Variants in MS4A10 observed in about 807,000 individuals in gnomAD.
MS4A10 encodes membrane-spanning 4-domains subfamily A member 10.
A neutral mutation model predicts 27.7 loss-of-function variants in MS4A10; 27 were observed. The observed-to-expected ratio is 0.98, with a 90% confidence interval of 0.72 to 1.35. The LOEUF (loss-of-function observed/expected upper bound fraction) is 1.35, where lower values mean the gene tolerates loss of function less well. Among genes scored for constraint, MS4A10 ranks in the 40% most tolerant of loss-of-function variants. The probability of loss-of-function intolerance (pLI) is 0.00; values close to 1 mark genes in which losing one functional copy is unlikely to be tolerated. For missense variants in MS4A10, 338 were observed against 324.7 expected (o/e 1.04, Z -0.32); for synonymous variants, 139 against 131.2 (o/e 1.06, Z -0.41).
intron 1 of MS4A10, among the ~76,000 whole-genome samples, chr11:60,787,927 G>A (rs2134747636): frequency 6.6e-6 from 1 of 152,204 alleles, no homozygotes; most frequent in East Asian, 1.9e-4. Context: ...TGAGGCAGGA[G>A]AATCACTTGA....
At chr11:60,792,090 T>A (rs1226946160) in intron 3 of MS4A10, among the ~76,000 whole-genome samples, 175 bp from the exon 4 acceptor site, 2 of 151,994 alleles carry the variant, frequency 1.3e-5, no homozygotes, top group East Asian at 3.9e-4. Context: ...GTGGGGCAGC[T>A]TCTTGGATGG....
chr11:60,793,754 G>A (rs1299010352), intron 4 of MS4A10, among the ~76,000 whole-genome samples: 2 of 152,216 alleles, frequency 1.3e-5, no homozygotes, highest in Non-Finnish European at 2.9e-5. Context: ...AGAAGGCAAG[G>A]GCCAGCTGGA....
intron 1 of MS4A10, among the ~76,000 whole-genome samples, chr11:60,786,177 A>ACACACT (rs1554971099): frequency 3.6e-5 from 5 of 138,144 alleles, no homozygotes; most frequent in South Asian, 4.4e-4. Flanking sequence ...ACACATGCAC[A>ACACACT]CACACACACA....
rs1212947827 is a variant in MS4A10, at chr11:60,798,816, GCAAACCC to G, written c.722+304_722+310del. Among the ~76,000 whole-genome samples, 12 of 152,346 alleles carry G rather than the reference GCAAACCC, an allele frequency of 7.9e-5. No individual in the cohort carries two copies. The South Asian group carries it at 1.7e-3, about 21-fold the overall frequency. Reference sequence around the variant, plus strand: ...ATCGCCTTCCCTGCCAGCCTCCAGAGCAAACCCCTGGGCCTGCAGCCCCCTGGTGCCC... The same window carrying G: ...ATCGCCTTCCCTGCCAGCCTCCAGAGCTGGGCCTGCAGCCCCCTGGTGCCC... On this transcript the variant is annotated intron_variant, in intron 7 of 7. Transcript: ENST00000308287.
At position 60,798,377 on chromosome 11, in the gene MS4A10, G is replaced by A. The variant is rs202059990; in HGVS notation, c.604-19G>A. ...CTCCACAGCTGTGAGCAGCAGGGGCGGCGACTTTTCTTTCGCAGAATGATG... is the reference window on the plus strand; with the variant it reads ...CTCCACAGCTGTGAGCAGCAGGGGCAGCGACTTTTCTTTCGCAGAATGATG... On this transcript the variant is annotated intron_variant, in intron 6 of 7. Transcript: ENST00000308287. 40 of 1,588,216 alleles carry A rather than the reference G, an allele frequency of 2.5e-5. No individual in the cohort carries two copies. Among genetic ancestry groups the A allele is most frequent in the East Asian group, 2.5e-4 (11 of 44,726 alleles).
At chr11:60,791,949 C>A (rs1035679114) in intron 3 of MS4A10, among the ~76,000 whole-genome samples, 2 of 152,086 alleles carry the variant, frequency 1.3e-5, no homozygotes, top group Non-Finnish European at 2.9e-5. Context: ...CTGATCCCAG[C>A]GATGGTTTGG....
At position 60,790,849 on chromosome 11, in the gene MS4A10, G is replaced by T. The variant is rs648490; in HGVS notation, c.184-125G>T. On this transcript the variant is annotated intron_variant, in intron 2 of 7. Transcript: ENST00000308287. ...GGGAGTGGTCCTTCTTAGAGAGCCT[G>T]GTCTCTGGGATCCCTAAGAGGACAG... 2.9e-6 allele frequency: 4 copies of T among 1,365,908 alleles called. No individual in the cohort carries two copies. In the East Asian group the frequency reaches 6.9e-5, roughly 24 times the overall value. 84.6% of individuals were successfully genotyped at this position (1,365,908 alleles called of 1,614,324 possible).
chr11:60,794,255 G>A, intron 5 of MS4A10, 152 bp downstream of exon 5: 1 of 846,864 alleles, frequency 1.2e-6, no homozygotes, highest in Non-Finnish European at 1.8e-6. Context: ...TCCCCTACAA[G>A]GTGTGGTGGA....
Position 60,800,230 on chromosome 11 carries a change from A to C in MS4A10, c.*321A>C. Reference sequence around the variant, plus strand: ...CAGTGGCACTATCTCAGCTCACTGCAATCTCCGCCTCCCTGGTTCAAGTGA... The same window carrying C: ...CAGTGGCACTATCTCAGCTCACTGCCATCTCCGCCTCCCTGGTTCAAGTGA... On this transcript the variant is annotated 3_prime_UTR_variant, in exon 8 of 8. Transcript: ENST00000308287. 3.3e-6 allele frequency: 1 copy of C among 302,256 alleles called. No homozygotes were observed. Among genetic ancestry groups the C allele is most frequent in the Non-Finnish European group, 6.2e-6 (1 of 161,094 alleles). The allele number at this position is 302,256 out of a possible 1,614,324, so 18.7% of individuals were successfully genotyped here.
At chr11:60,787,506 C>T (rs1172253605) in intron 1 of MS4A10, among the ~76,000 whole-genome samples, 1 of 152,052 alleles carries the variant, frequency 6.6e-6, no homozygotes, top group Non-Finnish European at 1.5e-5. Context: ...CTCTCTATCC[C>T]GTGAGAGAAG....
chr11:60,797,256 C>A lies in MS4A10; in HGVS notation c.604-1140C>A, dbSNP rs1854546842. Among the ~76,000 whole-genome samples, 3 of 152,144 alleles carry A rather than the reference C, an allele frequency of 2.0e-5. No individual in the cohort carries two copies. The South Asian group carries it at 6.2e-4, about 32-fold the overall frequency. On this transcript the variant is annotated intron_variant, in intron 6 of 7. Transcript: ENST00000308287. ...AGCAATAATTGTTCCTATTTATTGACCTTTGCTGTGTTCCAGGCACTGTGC... is the reference window on the plus strand; with the variant it reads ...AGCAATAATTGTTCCTATTTATTGAACTTTGCTGTGTTCCAGGCACTGTGC...
In MS4A10 at chr11:60,791,239, G is replaced by T. The variant is rs1033698510; in HGVS notation, c.303+146G>T. 4.6e-6 allele frequency: 5 copies of T among 1,075,442 alleles called. No individual in the cohort carries two copies. The East Asian group carries it at 1.0e-4, about 22-fold the overall frequency. 66.6% of individuals were successfully genotyped at this position (1,075,442 alleles called of 1,614,324 possible). A position where few individuals can be genotyped will look rare whatever the true frequency, so the allele number is the denominator to read the frequency against. ...CGAGGCCCTTTCTCCAGTGTTCCTA[G>T]CTCTGCTTCTTTTATCTTAGTCACA... On this transcript the variant is annotated intron_variant, in intron 3 of 7. Transcript: ENST00000308287.
chr11:60,789,395 C>G (rs918256784), intron 1 of MS4A10, among the ~76,000 whole-genome samples: 1 of 152,230 alleles, frequency 6.6e-6, no homozygotes, highest in Non-Finnish European at 1.5e-5. Flanking sequence ...TCCCAGGCAG[C>G]CCCCAAGCCC....
chr11:60,799,838 G>A lies in MS4A10; in HGVS notation c.733G>A (p.Val245Ile), dbSNP rs1249759829. ...QHKQHQRLRE[V>I]KQVAPDTWIV... ...CTCCATTTCATGCAGGCTCAGAGAA[G>A]TTAAGCAAGTTGCCCCGGACACATG... Residue 245 changes from valine to isoleucine, a missense_variant, in exon 8 of 8, where the codon GTT (valine) becomes ATT (isoleucine). Coordinates refer to ENST00000308287, the MANE Select transcript of MS4A10 (RefSeq NM_206893.4). 2.7e-6 allele frequency: 4 copies of A among 1,491,246 alleles called. No individual in the cohort carries two copies. The Admixed American group carries it at 5.1e-5, about 19-fold the overall frequency. 92.4% of individuals were successfully genotyped at this position (1,491,246 alleles called of 1,614,324 possible).
At chr11:60,791,222 T>C in intron 3 of MS4A10, 129 bp downstream of exon 3, 5 of 1,209,516 alleles carry the variant, frequency 4.1e-6, no homozygotes, top group Non-Finnish European at 5.7e-6. Context: ...AGCGAGGCCC[T>C]TTCTCCAGTG....
At chr11:60,797,700 C>T (rs1370117929) in intron 6 of MS4A10, among the ~76,000 whole-genome samples, 2 of 152,230 alleles carry the variant, frequency 1.3e-5, no homozygotes, top group Non-Finnish European at 2.9e-5. Flanking sequence ...TTCCTCTCTG[C>T]CGTGTGACCA....
At chr11:60,791,120 G>GGA in intron 3 of MS4A10, 27 bp downstream of exon 3, 1 of 1,612,500 alleles carries the variant, frequency 6.2e-7, no homozygotes, top group Non-Finnish European at 8.5e-7. Flanking sequence ...ACACAGACCG[G>GGA]GTGTGGGAGT....
At chr11:60,793,879 G>A in intron 4 of MS4A10, 93 bp from the exon 5 acceptor site, 2 of 1,421,880 alleles carry the variant, frequency 1.4e-6, no homozygotes, top group African/African-American at 1.4e-5. Flanking sequence ...CTCTCCTGAG[G>A]CTACAGAGGA....
rs538049677 is a variant in MS4A10, at chr11:60,794,194, C to A, written c.492+91C>A. The A allele has an allele frequency of 2.0e-6, 3 of 1,503,278 alleles. No homozygotes were observed. The South Asian group carries it at 3.6e-5, about 18-fold the overall frequency. The allele number at this position is 1,503,278 out of a possible 1,614,324, so 93.1% of individuals were successfully genotyped here. A position where few individuals can be genotyped will look rare whatever the true frequency, so the allele number is the denominator to read the frequency against. ...GGAGGTTTCCAGCTCACAGAAAGCC[C>A]CTCCTGGAGCCCAGGTGTGGGCTGC... On this transcript the variant is annotated intron_variant, in intron 5 of 7. Coordinates refer to ENST00000308287, the MANE Select transcript of MS4A10 (RefSeq NM_206893.4).
Sources: gnomAD v4.1 joint callset for allele counts (sites outside exome capture counted in the v4.1 genomes callset) on GRCh38, gnomAD v4.1.1 for gene constraint, MANE v1.5 for transcripts, NCBI Gene and HGNC (gene_info 2026-07-23, HGNC 2026-07-21) for gene names.